CNTN1: variants seen among roughly 807,000 people sequenced by gnomAD.
CNTN1 encodes contactin 1.
CNTN1 carries 38 observed loss-of-function variants against 126.4 expected under a neutral mutation model. That is an observed-to-expected ratio of 0.30 (90% CI 0.23 to 0.39). The LOEUF is 0.39. Ranked by LOEUF, CNTN1 falls within the 10% of genes least tolerant of loss-of-function variation. The probability of loss-of-function intolerance (pLI) is 1.00; values close to 1 mark genes in which losing one functional copy is unlikely to be tolerated. For missense variants in CNTN1, 1,009 were observed against 1,248.4 expected (o/e 0.81, Z 2.89); for synonymous variants, 413 against 422.6 (o/e 0.98, Z 0.28).
At chr12:40,811,181 G>C (rs1204733463) in intron 1 of CNTN1, among the ~76,000 whole-genome samples, 3 of 152,136 alleles carry the variant, frequency 2.0e-5, no homozygotes, top group East Asian at 1.9e-4. Context: ...AATTTTCTTT[G>C]GATATACACC....
chr12:40,968,063 A>C (rs557132700), intron 15 of CNTN1, among the ~76,000 whole-genome samples: 1 of 151,734 alleles, frequency 6.6e-6, no homozygotes, highest in East Asian at 1.9e-4. Context: ...ACTGTATTAT[A>C]TTCATTTTAC....
At chr12:41,065,599 A>G (rs1405080229) in intron 23 of CNTN1, among the ~76,000 whole-genome samples, 1 of 152,170 alleles carries the variant, frequency 6.6e-6, no homozygotes, top group Non-Finnish European at 1.5e-5. Context: ...TCAGATCTGG[A>G]TTAGTTCTGT....
intron 1 of CNTN1, among the ~76,000 whole-genome samples, chr12:40,782,015 C>A (rs999018965): frequency 3.3e-5 from 5 of 151,580 alleles, no homozygotes; most frequent in Non-Finnish European, 7.4e-5. Context: ...TTTAGAATAC[C>A]ATCTGAATAT....
intron 5 of CNTN1, among the ~76,000 whole-genome samples, chr12:40,922,889 G>A (rs760410483): frequency 6.7e-6 from 1 of 149,930 alleles, no homozygotes; most frequent in Admixed American, 6.7e-5. Context: ...GAGAATTGAT[G>A]GAACCTGGGA....
chr12:40,890,560 G>A (rs967409152), intron 1 of CNTN1, among the ~76,000 whole-genome samples: 2 of 151,796 alleles, frequency 1.3e-5, no homozygotes, highest in Admixed American at 6.6e-5. Flanking sequence ...CTGTCTCTGT[G>A]GTGTTGCCTT....
chr12:40,776,066 A>G (rs1939565076), intron 1 of CNTN1, among the ~76,000 whole-genome samples: 2 of 151,612 alleles, frequency 1.3e-5, no homozygotes, highest in Non-Finnish European at 3.0e-5. Context: ...CTCATTCCAC[A>G]TGTTGTATGG....
chr12:40,987,440 G>A (rs902095145), intron 16 of CNTN1, among the ~76,000 whole-genome samples: 46 of 152,242 alleles, frequency 3.0e-4, no homozygotes, highest in African/African-American at 1.0e-3. Context: ...TGCTCAGGTC[G>A]TTGTTAGAAA....
intron 23 of CNTN1, among the ~76,000 whole-genome samples, chr12:41,052,423 T>C (rs973491148): frequency 1.3e-5 from 2 of 152,184 alleles, no homozygotes; most frequent in African/African-American, 4.8e-5. Flanking sequence ...CTTTAAAAAG[T>C]GCCTGGAACA....
intron 1 of CNTN1, among the ~76,000 whole-genome samples, chr12:40,792,929 G>T (rs1011156437): frequency 3.3e-5 from 5 of 152,058 alleles, no homozygotes; most frequent in Non-Finnish European, 7.4e-5. Flanking sequence ...CACAGGAATA[G>T]CTCTGAAAAG....
rs911930020 is a variant in CNTN1 at position 41,027,814 on chromosome 12, T to C, written c.2711-43T>C. 4.3e-6 allele frequency: 5 copies of C among 1,162,306 alleles called. No individual in the cohort carries two copies. In the African/African-American group the frequency reaches 4.5e-5, roughly 11 times the overall value. 72.0% of individuals were successfully genotyped at this position (1,162,306 alleles called of 1,614,324 possible). On this transcript the variant is annotated intron_variant, in intron 21 of 23. Transcript: ENST00000551295. ...TGCAATAGAGTATGCAGAATTGAGATTGGATATAGTGACCACTGATTGCAT... is the reference window on the plus strand; with the variant it reads ...TGCAATAGAGTATGCAGAATTGAGACTGGATATAGTGACCACTGATTGCAT...
At chr12:40,849,096 G>A (rs1440445988) in intron 1 of CNTN1, among the ~76,000 whole-genome samples, 1 of 152,104 alleles carries the variant, frequency 6.6e-6, no homozygotes, top group East Asian at 1.9e-4. Flanking sequence ...TTAGTCCCTT[G>A]AGATTTTAGA....
rs560331486 is a variant in CNTN1, at chr12:40,860,960, C to T, written c.-76-47397C>T. Among the ~76,000 whole-genome samples, 2 of 152,074 alleles carry T rather than the reference C, an allele frequency of 1.3e-5. 1 individual carries two copies. The highest frequency in any genetic ancestry group is 1.3e-4 in the Admixed American group (2 of 15,252). ...TTATTACTACAAAAGATACTTCCAT[C>T]ATCTTTAACACTCAGGAAATTCCAA... On this transcript the variant is annotated intron_variant, in intron 1 of 23. Coordinates refer to ENST00000551295, the MANE Select transcript of CNTN1 (RefSeq NM_001843.4).
chr12:40,751,932 A>G (rs1258692498), intron 1 of CNTN1, among the ~76,000 whole-genome samples: 1 of 152,062 alleles, frequency 6.6e-6, no homozygotes, highest in Non-Finnish European at 1.5e-5. Context: ...CTTGTGACCC[A>G]TATTTTGTGG....
chr12:40,751,981 C>A (rs909804705), intron 1 of CNTN1, among the ~76,000 whole-genome samples: 3 of 151,924 alleles, frequency 2.0e-5, no homozygotes, highest in Non-Finnish European at 4.4e-5. Flanking sequence ...ATTATTTATT[C>A]GTATTTATCT....
At chr12:41,050,154 C>G (rs1949639407) in intron 23 of CNTN1, among the ~76,000 whole-genome samples, 1 of 152,158 alleles carries the variant, frequency 6.6e-6, no homozygotes, top group African/African-American at 2.4e-5. Flanking sequence ...CCTGCCTCGG[C>G]CTCCCAAAGT....
chr12:40,712,614 T>G (rs1457793147), intron 1 of CNTN1, among the ~76,000 whole-genome samples: 3 of 152,048 alleles, frequency 2.0e-5, no homozygotes, highest in African/African-American at 7.2e-5. Context: ...AACGTGTAAC[T>G]GGCCCAGTCA....
rs866895130 is a variant in CNTN1 at position 41,020,340 on chromosome 12, C to G, written c.2423C>G (p.Pro808Arg). Reference sequence around the variant, plus strand: ...TAATGTTCTCATAAAATTTCAGCTCCCAGTGAAGCCCCAACAGAAGTAGGT... The same window carrying G: ...TAATGTTCTCATAAAATTTCAGCTCGCAGTGAAGCCCCAACAGAAGTAGGT... Reference protein sequence around the residue: ...VAVINSAQDAPSEAPTEVGVK... With the variant: ...VAVINSAQDARSEAPTEVGVK... Residue 808 changes from proline to arginine, a missense_variant, in exon 20 of 24, where the codon CCC becomes CGC. Physicochemically the swap from Pro to Arg is moderately radical, Grantham distance 103 (BLOSUM62 -2). Transcript: ENST00000551295. 1 of 1,605,258 alleles carries G rather than the reference C, an allele frequency of 6.2e-7. No homozygotes were observed. Among genetic ancestry groups the G allele is most frequent in the Non-Finnish European group, 8.5e-7 (1 of 1,173,824 alleles).
intron 1 of CNTN1, among the ~76,000 whole-genome samples, chr12:40,822,271 C>T (rs144856227): frequency 0.023 from 3,385 of 150,194 alleles, 129 homozygotes; most frequent in African/African-American, 0.078. Context: ...TCTCCTGCCT[C>T]AGCCTCCTGA....
intron 2 of CNTN1, among the ~76,000 whole-genome samples, chr12:40,909,666 T>A (rs1343543404): frequency 6.6e-6 from 1 of 151,854 alleles, no homozygotes; most frequent in South Asian, 2.1e-4. Flanking sequence ...TTTAATGACA[T>A]TGATAAATAT....
Sources: gnomAD v4.1 joint callset for allele counts (sites outside exome capture counted in the v4.1 genomes callset) on GRCh38, gnomAD v4.1.1 for gene constraint, MANE v1.5 for transcripts, NCBI Gene and HGNC (gene_info 2026-07-23, HGNC 2026-07-21) for gene names.